Variants in RYR2 observed in about 807,000 individuals in gnomAD.
RYR2 encodes ryanodine receptor 2.
A neutral mutation model predicts 601.1 loss-of-function variants in RYR2; 227 were observed. The observed-to-expected ratio is 0.38, with a 90% CI of 0.34 to 0.42. The LOEUF is 0.42. Among genes scored for constraint, RYR2 ranks in the 10% least tolerant of loss-of-function variants. The probability of loss-of-function intolerance (pLI) is 1.00; values close to 1 mark genes in which losing one functional copy is unlikely to be tolerated. For synonymous variants in RYR2, 2,223 were observed against 2,175.1 expected, an observed-to-expected ratio of 1.02 and a Z score of -0.61; for missense variants, 4,646 against 6,156.5, an observed-to-expected ratio of 0.75 and a Z score of 8.21.
In RYR2 at chr1:237,639,204, A is replaced by G; in HGVS notation, c.7115+3A>G. On this transcript the variant is annotated splice_donor_region_variant and intron_variant, in intron 46 of 104. Coordinates refer to ENST00000366574, the MANE Select transcript of RYR2 (RefSeq NM_001035.3). ...AATAGCGGATCCAGTAAAACACTGT[A>G]GGTCTAATATACACACCCTCACGAG... 6.2e-7 allele frequency: 1 copy of G among 1,610,470 alleles called. No homozygotes were observed. Among genetic ancestry groups the G allele is most frequent in the Non-Finnish European group, 8.5e-7 (1 of 1,177,602 alleles).
intron 3 of RYR2, among the ~76,000 whole-genome samples, chr1:237,337,556 A>G (rs1054035670): frequency 6.6e-6 from 1 of 152,144 alleles, no homozygotes; most frequent in Non-Finnish European, 1.5e-5. Flanking sequence ...CTGTGCCTCA[A>G]TTTTCTCATT....
intron 62 of RYR2, among the ~76,000 whole-genome samples, chr1:237,681,237 A>G (rs963376586): frequency 3.9e-5 from 6 of 152,236 alleles, no homozygotes; most frequent in African/African-American, 1.4e-4. Context: ...AAGCTTTTAG[A>G]TTGTATCGGA....
At chr1:237,746,564 C>G (rs1363004041) in intron 80 of RYR2, among the ~76,000 whole-genome samples, 1 of 152,010 alleles carries the variant, frequency 6.6e-6, no homozygotes, top group Non-Finnish European at 1.5e-5. Flanking sequence ...TCATATGATC[C>G]TGTTAAATTA....
intron 1 of RYR2, among the ~76,000 whole-genome samples, chr1:237,071,327 G>A (rs111790445): frequency 1.3e-5 from 2 of 151,938 alleles, no homozygotes; most frequent in Admixed American, 6.6e-5. Context: ...GGATTCAAGC[G>A]ATTCTCCTGC....
At chr1:237,275,607 C>T (rs977677905) in intron 2 of RYR2, among the ~76,000 whole-genome samples, 18 of 151,068 alleles carry the variant, frequency 1.2e-4, no homozygotes, top group African/African-American at 3.7e-4. Flanking sequence ...CAAAGAGAAA[C>T]GTAGAAACAT....
chr1:237,238,679 A>G (rs1178983295), intron 1 of RYR2, among the ~76,000 whole-genome samples: 2 of 152,218 alleles, frequency 1.3e-5, no homozygotes, highest in Non-Finnish European at 2.9e-5. Context: ...GACTGGTCGT[A>G]CTGGAGTTCT....
chr1:237,331,107 T>C, intron 3 of RYR2, 125 bp downstream of exon 3: 1 of 791,762 alleles, frequency 1.3e-6, no homozygotes, highest in Non-Finnish European at 2.2e-6. Flanking sequence ...TCAGTTGGAA[T>C]GTCCTTAGGT....
chr1:237,623,367 C>CTGTCTTTGTTTG (rs1679274774), intron 38 of RYR2, among the ~76,000 whole-genome samples: 1 of 61,698 alleles, frequency 1.6e-5, no homozygotes, highest in Non-Finnish European at 3.3e-5. Context: ...TTGTTTCTTT[C>CTGTCTTTGTTTG]TTTCTTTCTT....
intron 8 of RYR2, among the ~76,000 whole-genome samples, chr1:237,380,244 C>T (rs908179950): frequency 6.7e-6 from 1 of 149,520 alleles, no homozygotes; most frequent in African/African-American, 2.5e-5. Flanking sequence ...GAAGTGAGTT[C>T]GTGAAAGGAC....
chr1:237,212,247 T>A (rs1400617296), intron 1 of RYR2, among the ~76,000 whole-genome samples: 1 of 151,848 alleles, frequency 6.6e-6, no homozygotes, highest in African/African-American at 2.4e-5. Flanking sequence ...TTATTAATCT[T>A]TTCTCATTTA....
At chr1:237,364,162 T>C (rs1429817312) in intron 4 of RYR2, among the ~76,000 whole-genome samples, 196 bp from the exon 5 acceptor site, 1 of 152,130 alleles carries the variant, frequency 6.6e-6, no homozygotes, top group African/African-American at 2.4e-5. Context: ...AGAGTTTTGC[T>C]TGCTACGGCT....
chr1:237,571,276 C>T (rs1672657498), intron 29 of RYR2, among the ~76,000 whole-genome samples: 1 of 151,100 alleles, frequency 6.6e-6, no homozygotes, highest in Admixed American at 6.6e-5. Context: ...TTTTAAGATA[C>T]ATACCTACCT....
intron 1 of RYR2, among the ~76,000 whole-genome samples, chr1:237,241,893 T>A (rs1001826383): frequency 6.6e-6 from 1 of 152,104 alleles, no homozygotes; most frequent in Non-Finnish European, 1.5e-5. Flanking sequence ...TGAACAGAGG[T>A]CACTTTTGTC....
intron 2 of RYR2, among the ~76,000 whole-genome samples, chr1:237,278,365 AC>A (rs1690520552): frequency 7.1e-6 from 1 of 141,436 alleles, no homozygotes; most frequent in Admixed American, 8.2e-5. Context: ...TGCTGAGATT[AC>A]AGCTGTCAGC....
At chr1:237,447,498 C>T (rs1437776213) in intron 14 of RYR2, among the ~76,000 whole-genome samples, 1 of 152,006 alleles carries the variant, frequency 6.6e-6, no homozygotes, top group Non-Finnish European at 1.5e-5. Flanking sequence ...TTTGTCTGGG[C>T]TATTTGAGTG....
At chr1:237,442,353 A>G (rs887718737) in intron 13 of RYR2, among the ~76,000 whole-genome samples, 1 of 152,218 alleles carries the variant, frequency 6.6e-6, no homozygotes. Flanking sequence ...ACTATAAAAA[A>G]GTTAAAAGAC....
intron 74 of RYR2, 84 bp from the exon 75 acceptor site, chr1:237,726,189 A>G: frequency 1.1e-6 from 1 of 919,062 alleles, no homozygotes; most frequent in South Asian, 1.5e-5. Flanking sequence ...AGACATTATT[A>G]CAATCATTTT....
Position 237,658,019 on chromosome 1 carries a change from C to A in RYR2, c.8205C>A (p.Asp2735Glu), listed in dbSNP as rs794728823. The A allele has an allele frequency of 6.1e-6, 9 of 1,483,856 alleles. No homozygotes were observed. In the African/African-American group the frequency reaches 1.1e-4, roughly 19 times the overall value. 91.9% of individuals were successfully genotyped at this position (1,483,856 alleles called of 1,614,324 possible). The stretch of plus-strand genomic sequence containing the variant: ...ACTCCCATGACAAATGGTCAATGGA[C>A]AAGGTAAAAAGAGTATTACATTCTA... ...AEHSHDKWSMDKLANGWIYGE... is the reference protein window; with the variant it reads ...AEHSHDKWSMEKLANGWIYGE... Residue 2735 changes from aspartate (D) to glutamate (E), a missense_variant, in exon 54 of 105, where the codon GAC (aspartate) becomes GAA (glutamate). Asp to Glu is a conservative substitution (Grantham distance 45). Around this residue, in one of 17 missense-constraint regions of RYR2, gnomAD observed 1,497 missense variants for 1,842.6 expected, o/e 0.81. Transcript: ENST00000366574.
chr1:237,594,260 G>T (rs1287865046), intron 33 of RYR2, among the ~76,000 whole-genome samples: 1 of 152,144 alleles, frequency 6.6e-6, no homozygotes, highest in Non-Finnish European at 1.5e-5. Flanking sequence ...CTGACCATTG[G>T]CTTCTACCTT....
Sources: allele counts gnomAD v4.1 joint callset (sites outside exome capture counted in the v4.1 genomes callset), GRCh38; gene constraint gnomAD v4.1.1; regional missense constraint gnomAD v4.1.1; transcripts MANE v1.5; gene names NCBI Gene and HGNC (gene_info 2026-07-23, HGNC 2026-07-21).